The following RASA2 variants were observed in gnomAD, a reference collection of about 807,000 sequenced individuals.
The protein encoded by RASA2 is ras GTPase-activating protein 2.
In RASA2, 155 loss-of-function variants were observed where a neutral mutation model predicts 118.2. The observed-to-expected ratio is 1.31, with a 90% CI of 1.15 to 1.50. RASA2 has a LOEUF of 1.50. Among genes scored for constraint, RASA2 ranks in the 40% most tolerant of loss-of-function variants. The pLI is 0.00. For missense variants in RASA2, 1,016 were observed against 1,009.6 expected (o/e 1.01, Z -0.09); for synonymous variants, 353 against 349.1 (o/e 1.01, Z -0.12).
Position 141,576,993 on chromosome 3 carries a change from C to T in RASA2, c.1484-7C>T, listed in dbSNP as rs1043142283. 2 of 1,545,634 alleles carry T rather than the reference C, an allele frequency of 1.3e-6. No individual in the cohort carries two copies. Among genetic ancestry groups the T allele is most frequent in the African/African-American group, 2.8e-5 (2 of 71,838 alleles). On this transcript the variant is annotated splice_polypyrimidine_tract_variant and splice_region_variant and intron_variant, in intron 14 of 23. Transcript: ENST00000286364. ...GTGCATGACATTTCACCATTTTTTTCCTGCAGATGACCCTCATGTTCAGTA... is the reference window on the plus strand; with the variant it reads ...GTGCATGACATTTCACCATTTTTTTTCTGCAGATGACCCTCATGTTCAGTA...
intron 19 of RASA2, among the ~76,000 whole-genome samples, chr3:141,599,591 A>G (rs1409045010): frequency 1.3e-5 from 2 of 152,214 alleles, no homozygotes; most frequent in Non-Finnish European, 2.9e-5. Context: ...CCAGAACTAC[A>G]AAGACAGGAG....
intron 7 of RASA2, 39 bp downstream of exon 7, chr3:141,555,951 G>A (rs764733382): frequency 7.1e-7 from 1 of 1,411,928 alleles, no homozygotes; most frequent in South Asian, 1.2e-5. Flanking sequence ...CATTAAATAT[G>A]TAATATTTAA....
At chr3:141,575,789 GTTTTGTTTTTGT>G (rs1015472428) in intron 14 of RASA2, among the ~76,000 whole-genome samples, 1 of 151,946 alleles carries the variant, frequency 6.6e-6, no homozygotes, top group African/African-American at 2.4e-5. Context: ...GTTTTTTTGG[GTTTTGTTTTTGT>G]TTTTGTTTTT....
At chr3:141,561,630 C>T (rs2082731105) in intron 9 of RASA2, among the ~76,000 whole-genome samples, 1 of 152,328 alleles carries the variant, frequency 6.6e-6, no homozygotes, top group African/African-American at 2.4e-5. Flanking sequence ...GCCATAGCAT[C>T]CCCTTGTGGG....
intron 1 of RASA2, among the ~76,000 whole-genome samples, chr3:141,507,221 G>A (rs529158072): frequency 2.0e-5 from 3 of 152,228 alleles, no homozygotes; most frequent in Admixed American, 1.3e-4. Context: ...ACGTGTAGCC[G>A]GTGGATTTAC....
chr3:141,611,339 C>G (rs912138458), intron 23 of RASA2, among the ~76,000 whole-genome samples: 1 of 152,152 alleles, frequency 6.6e-6, no homozygotes. Flanking sequence ...CATCCAGAGG[C>G]AGAAAAGGCT....
intron 4 of RASA2, among the ~76,000 whole-genome samples, chr3:141,537,174 C>T (rs2082339848): frequency 1.3e-5 from 2 of 151,324 alleles, no homozygotes; most frequent in African/African-American, 4.9e-5. Flanking sequence ...ATCTTATCTC[C>T]TTTTTTTTTC....
At chr3:141,576,437 C>T (rs1222820713) in intron 14 of RASA2, among the ~76,000 whole-genome samples, 2 of 152,178 alleles carry the variant, frequency 1.3e-5, no homozygotes, top group Non-Finnish European at 2.9e-5. Flanking sequence ...TTGTTGACTC[C>T]AGTCTGAAAC....
chr3:141,520,011 CTT>C (rs559634060), intron 3 of RASA2, among the ~76,000 whole-genome samples: 23 of 109,776 alleles, frequency 2.1e-4, no homozygotes, highest in African/African-American at 5.8e-4. Flanking sequence ...TTCTTTTTCT[CTT>C]TTTTTTTTTT....
intron 9 of RASA2, among the ~76,000 whole-genome samples, chr3:141,565,513 A>G (rs1231225469): frequency 6.6e-6 from 1 of 152,204 alleles, no homozygotes; most frequent in African/African-American, 2.4e-5. Flanking sequence ...TAATTGAATC[A>G]TCGGGTGGTT....
In RASA2 at chr3:141,613,511, G is replaced by A. The variant is rs575661020; in HGVS notation, c.*1198G>A. 2.6e-5 allele frequency: 4 copies of A among 151,980 alleles called. No individual in the cohort carries two copies. The highest frequency in any genetic ancestry group is 6.6e-5 in the Admixed American group (1 of 15,264). The allele number at this position is 151,980 out of a possible 1,614,324, so 9.4% of individuals were successfully genotyped here. A position where few individuals can be genotyped will look rare whatever the true frequency, so the allele number is the denominator to read the frequency against. On this transcript the variant is annotated 3_prime_UTR_variant, in exon 24 of 24. Transcript: ENST00000286364. ...AGCAAGTTGCCACCTTGAAGTTGAG[G>A]GATACACTTTGCTTCATCAGTATTA...
chr3:141,584,330 CAAAAAAAAAA>C (rs56396460), intron 17 of RASA2, among the ~76,000 whole-genome samples: 4 of 60,684 alleles, frequency 6.6e-5, no homozygotes, highest in South Asian at 7.3e-4. Context: ...AACTCCATCC[CAAAAAAAAAA>C]AAAAAAAAAA....
In RASA2 at chr3:141,508,815, A is replaced by ATT. The variant is rs199828343; in HGVS notation, c.134-3335_134-3334dup. ...AAGTTTTCAAGAAATTTGGCAATGG[A>ATT]TTTTTTTTTTTTTTGGTCCAAGGCG... On this transcript the variant is annotated intron_variant, in intron 1 of 23. Transcript: ENST00000286364. 1.5e-3 allele frequency among the ~76,000 whole-genome samples: 214 copies of ATT among 143,722 alleles called. 7 individuals carry two copies. In the East Asian group the frequency reaches 0.025, roughly 17 times the overall value. 94.3% of individuals were successfully genotyped at this position (143,722 alleles called of 152,430 possible). A position where few individuals can be genotyped will look rare whatever the true frequency, so the allele number is the denominator to read the frequency against.
chr3:141,493,503 T>C lies in RASA2; in HGVS notation c.133+6287T>C, dbSNP rs185468219. The stretch of plus-strand genomic sequence containing the variant: ...AGAATTTCTGGTTTCAAAAGTTCCA[T>C]AGGGGGTGATGTTGGGCAGCTAGGA... On this transcript the variant is annotated intron_variant, in intron 1 of 23. Transcript: ENST00000286364. Among the ~76,000 whole-genome samples, 7 of 152,300 alleles carry C rather than the reference T, an allele frequency of 4.6e-5. No individual in the cohort carries two copies. In the East Asian group the frequency reaches 1.3e-3, roughly 29 times the overall value.
chr3:141,590,632 G>C (rs988376660), intron 19 of RASA2, among the ~76,000 whole-genome samples: 4 of 152,200 alleles, frequency 2.6e-5, no homozygotes, highest in African/African-American at 9.7e-5. Flanking sequence ...AGGTAGCCAA[G>C]ACTTGCTAGT....
At position 141,586,630 on chromosome 3, in the gene RASA2, T is replaced by C. The variant is rs1462302564; in HGVS notation, c.1827-16T>C. On this transcript the variant is annotated splice_polypyrimidine_tract_variant and intron_variant, in intron 18 of 23. Transcript: ENST00000286364. ...TAATTTTTATAGCTAAATGTTTACA[T>C]CTGTTATGTTGGCAGTGAGATGTAT... 6.5e-7 allele frequency: 1 copy of C among 1,536,510 alleles called. No homozygotes were observed. Among genetic ancestry groups the C allele is most frequent in the East Asian group, 2.3e-5 (1 of 44,378 alleles).
At chr3:141,546,864 G>A (rs994511400) in intron 5 of RASA2, among the ~76,000 whole-genome samples, 1 of 152,016 alleles carries the variant, frequency 6.6e-6, no homozygotes, top group Non-Finnish European at 1.5e-5. Context: ...ATTTTTATTT[G>A]ATTTTTTTAA....
intron 12 of RASA2, 64 bp downstream of exon 12, chr3:141,572,787 G>C: frequency 8.2e-7 from 1 of 1,215,052 alleles, no homozygotes; most frequent in Non-Finnish European, 1.2e-6. Context: ...TTTATCAAGT[G>C]ATCTATTGAT....
chr3:141,513,099 G>A (rs887949251), intron 2 of RASA2, among the ~76,000 whole-genome samples: 86 of 150,014 alleles, frequency 5.7e-4, no homozygotes, highest in African/African-American at 1.8e-3. Flanking sequence ...CGAAAAACAG[G>A]GTGTGGGGTA....
Sources: gnomAD v4.1 joint callset for allele counts (sites outside exome capture counted in the v4.1 genomes callset) on GRCh38, gnomAD v4.1.1 for gene constraint, MANE v1.5 for transcripts, NCBI Gene and HGNC (gene_info 2026-07-23, HGNC 2026-07-21) for gene names.